Variants in GRM7 observed in about 807,000 individuals in gnomAD.
The protein encoded by GRM7 is metabotropic glutamate receptor 7.
Under a neutral mutation model 84.5 loss-of-function variants are expected in GRM7, and 35 were observed. That is an observed-to-expected ratio of 0.41 (90% confidence interval 0.32 to 0.55). The LOEUF is 0.55. Among genes scored for constraint, GRM7 ranks in the 20% least tolerant of loss-of-function variants. GRM7 has a pLI of 0.19. For missense variants in GRM7, 1,003 were observed against 1,194.6 expected (o/e 0.84, Z 2.36); for synonymous variants, 487 against 455.1 (o/e 1.07, Z -0.89).
At chr3:7,317,338 G>A (rs887332582) in intron 4 of GRM7, among the ~76,000 whole-genome samples, 1 of 151,996 alleles carries the variant, frequency 6.6e-6, no homozygotes, top group Admixed American at 6.6e-5. Context: ...GAGTATCTTC[G>A]AAGAATAGGC....
intron 7 of GRM7, among the ~76,000 whole-genome samples, chr3:7,515,311 G>A (rs1700337305): frequency 6.6e-6 from 1 of 152,132 alleles, no homozygotes; most frequent in Admixed American, 6.6e-5. Context: ...GTGTTTGAGG[G>A]AGGAAGGGAG....
intron 9 of GRM7, among the ~76,000 whole-genome samples, chr3:7,740,025 G>A (rs1000743951): frequency 2.6e-5 from 4 of 152,152 alleles, no homozygotes; most frequent in Non-Finnish European, 4.4e-5. Flanking sequence ...AGCACACAAC[G>A]AAATATACCA....
intron 1 of GRM7, among the ~76,000 whole-genome samples, chr3:7,084,055 G>A (rs148557672): frequency 6.6e-6 from 1 of 152,168 alleles, no homozygotes; most frequent in African/African-American, 2.4e-5. Context: ...TTCTTCTCTG[G>A]GTAAGATGGG....
intron 4 of GRM7, among the ~76,000 whole-genome samples, chr3:7,410,063 A>G (rs17700470): frequency 0.32 from 49,295 of 152,104 alleles, 8,771 homozygotes; most frequent in Non-Finnish European, 0.4. Context: ...TGACAACCAC[A>G]TACAGCTCAA....
chr3:7,380,823 C>T (rs1694559685), intron 4 of GRM7, among the ~76,000 whole-genome samples: 1 of 152,214 alleles, frequency 6.6e-6, no homozygotes, highest in African/African-American at 2.4e-5. Context: ...ATTAGAACTG[C>T]TTAGCCAAAT....
chr3:7,171,282 G>A (rs1694974693), intron 2 of GRM7, among the ~76,000 whole-genome samples: 1 of 151,988 alleles, frequency 6.6e-6, no homozygotes, highest in Non-Finnish European at 1.5e-5. Flanking sequence ...CTGTGTTTGT[G>A]TCCAAATGTC....
chr3:7,405,687 T>A (rs964095198), intron 4 of GRM7, among the ~76,000 whole-genome samples: 3 of 152,208 alleles, frequency 2.0e-5, no homozygotes, highest in Non-Finnish European at 4.4e-5. Context: ...GACTGAATAT[T>A]CTATTGAATG....
intron 1 of GRM7, among the ~76,000 whole-genome samples, chr3:7,124,701 T>C (rs1268810248): frequency 6.6e-6 from 1 of 152,218 alleles, no homozygotes; most frequent in Non-Finnish European, 1.5e-5. Flanking sequence ...TTCAGTCATT[T>C]ATTAATAGAC....
intron 1 of GRM7, among the ~76,000 whole-genome samples, chr3:6,950,393 T>C (rs1467018687): frequency 6.6e-6 from 1 of 152,200 alleles, no homozygotes; most frequent in Non-Finnish European, 1.5e-5. Context: ...CTGCAAATGC[T>C]GCTACCTGAT....
intron 8 of GRM7, among the ~76,000 whole-genome samples, chr3:7,653,092 A>G (rs1297919408): frequency 6.7e-6 from 1 of 149,660 alleles, no homozygotes; most frequent in Non-Finnish European, 1.5e-5. Context: ...CTTACTGAAT[A>G]CCGCAAACCA....
intron 4 of GRM7, among the ~76,000 whole-genome samples, chr3:7,365,655 A>AGAGATCTCCT: frequency 6.9e-6 from 1 of 145,052 alleles, no homozygotes; most frequent in South Asian, 2.2e-4. Flanking sequence ...GTGTATATAT[A>AGAGATCTCCT]TATATATATA....
chr3:7,227,811 A>C (rs1697031725), intron 2 of GRM7, among the ~76,000 whole-genome samples: 1 of 152,154 alleles, frequency 6.6e-6, no homozygotes, highest in Admixed American at 6.5e-5. Context: ...TCTGGCTGCA[A>C]GTGATAGGAA....
At chr3:7,121,179 A>C (rs923579301) in intron 1 of GRM7, among the ~76,000 whole-genome samples, 1 of 152,312 alleles carries the variant, frequency 6.6e-6, no homozygotes, top group East Asian at 1.9e-4. Context: ...TGGTCCAACA[A>C]CTCAATGTAT....
At chr3:7,467,812 A>G (rs1698524421) in intron 7 of GRM7, among the ~76,000 whole-genome samples, 1 of 152,208 alleles carries the variant, frequency 6.6e-6, no homozygotes, top group Admixed American at 6.5e-5. Context: ...AAAATGGAAA[A>G]AAAGAAAAAA....
chr3:7,414,347 G>A (rs1201717338), intron 4 of GRM7, among the ~76,000 whole-genome samples: 1 of 152,156 alleles, frequency 6.6e-6, no homozygotes, highest in African/African-American at 2.4e-5. Context: ...TATAGGTTAA[G>A]TATGTACCTG....
chr3:7,723,591 G>C (rs1702024583), intron 9 of GRM7, among the ~76,000 whole-genome samples: 1 of 152,178 alleles, frequency 6.6e-6, no homozygotes, highest in Non-Finnish European at 1.5e-5. Context: ...GCTCACACCA[G>C]TAATCCCAGC....
chr3:7,429,232 A>T (rs1213956535), intron 5 of GRM7, among the ~76,000 whole-genome samples: 2 of 152,166 alleles, frequency 1.3e-5, no homozygotes, highest in African/African-American at 4.8e-5. Flanking sequence ...AAGGAGAAGC[A>T]CTAAATGAGT....
intron 8 of GRM7, among the ~76,000 whole-genome samples, chr3:7,676,885 A>C (rs1575619953): frequency 6.6e-6 from 1 of 152,300 alleles, no homozygotes; most frequent in Middle Eastern, 3.4e-3. Flanking sequence ...TCAGTACATT[A>C]TGATGGTTGC....
intron 2 of GRM7, among the ~76,000 whole-genome samples, chr3:7,177,013 T>G (rs17235039): frequency 0.07 from 10,609 of 152,212 alleles, 495 homozygotes; most frequent in Non-Finnish European, 0.1. Context: ...CCAGCCAGAG[T>G]AAGCTTGTCA....
Sources: allele counts gnomAD v4.1 joint callset (sites outside exome capture counted in the v4.1 genomes callset), GRCh38; gene constraint gnomAD v4.1.1; transcripts MANE v1.5; gene names NCBI Gene and HGNC (gene_info 2026-07-23, HGNC 2026-07-21).